The following CDH13 variants were observed in gnomAD, a reference collection of about 807,000 sequenced individuals.
The protein encoded by CDH13 is cadherin-13.
CDH13 carries 24 observed loss-of-function variants against 63.8 expected under a neutral mutation model. The ratio of observed to expected loss-of-function variants is 0.38; its 90% CI spans 0.27 to 0.53. The LOEUF is 0.53. Ranked by LOEUF, CDH13 falls within the 20% of genes least tolerant of loss-of-function variation. The pLI, the probability that CDH13 is intolerant of heterozygous loss-of-function variation, is 0.85. For missense variants in CDH13, 1,049 were observed against 903.1 expected, an observed-to-expected ratio of 1.16 and a Z score of -2.07; for synonymous variants, 503 against 355.3, an observed-to-expected ratio of 1.42 and a Z score of -4.67.
chr16:83,449,905 T>A (rs2072836020), intron 6 of CDH13, among the ~76,000 whole-genome samples: 1 of 152,238 alleles, frequency 6.6e-6, no homozygotes, highest in Non-Finnish European at 1.5e-5. Context: ...AAGTGACGGC[T>A]GCTGTTTCTG....
chr16:83,154,649 T>C (rs1341960327), intron 4 of CDH13, among the ~76,000 whole-genome samples: 1 of 152,102 alleles, frequency 6.6e-6, no homozygotes, highest in Non-Finnish European at 1.5e-5. Context: ...GAATGTAGCC[T>C]AAGCTGACTG....
chr16:83,078,254 C>G (rs1177798736), intron 3 of CDH13, among the ~76,000 whole-genome samples: 2 of 152,130 alleles, frequency 1.3e-5, no homozygotes, highest in Non-Finnish European at 2.9e-5. Flanking sequence ...GTCATGAACT[C>G]TGTTCTCTGT....
Position 82,751,114 on chromosome 16 carries a change from C to T in CDH13, c.46-107248C>T, listed in dbSNP as rs151238206. ...TCCCTATTTAATCATATGTAATCTT[C>T]AGTATGTGCTTTTATGTGGAAAGCC... On this transcript the variant is annotated intron_variant, in intron 1 of 13. Transcript: ENST00000567109. 2.9e-3 allele frequency among the ~76,000 whole-genome samples: 442 copies of T among 152,212 alleles called. 4 individuals carry two copies. The highest frequency in any genetic ancestry group is 0.01 in the African/African-American group (417 of 41,532).
At chr16:83,215,303 T>G (rs1415792544) in intron 4 of CDH13, among the ~76,000 whole-genome samples, 4 of 151,880 alleles carry the variant, frequency 2.6e-5, no homozygotes, top group African/African-American at 9.7e-5. Context: ...GGTCTTGAAT[T>G]CCTGACCTCA....
At chr16:82,663,174 A>G (rs1364767304) in intron 1 of CDH13, among the ~76,000 whole-genome samples, 1 of 151,980 alleles carries the variant, frequency 6.6e-6, no homozygotes, top group African/African-American at 2.4e-5. Context: ...AGCCTCCACT[A>G]GGTTTTTTGT....
chr16:83,119,984 T>C (rs1045996711), intron 3 of CDH13, among the ~76,000 whole-genome samples: 2 of 152,122 alleles, frequency 1.3e-5, no homozygotes, highest in East Asian at 3.9e-4. Context: ...CACTGAAGTT[T>C]CTCCTAATGT....
chr16:83,539,756 C>T (rs1292539130), intron 7 of CDH13, among the ~76,000 whole-genome samples: 1 of 152,190 alleles, frequency 6.6e-6, no homozygotes, highest in Non-Finnish European at 1.5e-5. Flanking sequence ...AGATGAAGTA[C>T]CTTGTCCAAG....
intron 4 of CDH13, among the ~76,000 whole-genome samples, chr16:83,197,074 G>T (rs2038898097): frequency 6.6e-6 from 1 of 151,996 alleles, no homozygotes. Context: ...AACAAACTGT[G>T]GTTTATTCAT....
chr16:82,960,462 C>A (rs996036277), intron 2 of CDH13, among the ~76,000 whole-genome samples: 2 of 152,120 alleles, frequency 1.3e-5, no homozygotes, highest in African/African-American at 4.8e-5. Flanking sequence ...AAATAAGAGT[C>A]TGGAGCCAAG....
At chr16:83,055,760 T>C (rs1000080681) in intron 3 of CDH13, among the ~76,000 whole-genome samples, 4 of 152,084 alleles carry the variant, frequency 2.6e-5, no homozygotes, top group African/African-American at 9.7e-5. Flanking sequence ...AAGGCCAACA[T>C]AATCTTCTTT....
chr16:82,636,202 G>T (rs1908634608), intron 1 of CDH13, among the ~76,000 whole-genome samples: 1 of 152,134 alleles, frequency 6.6e-6, no homozygotes, highest in Middle Eastern at 3.2e-3. Flanking sequence ...GCCTGCTTGA[G>T]TTCTGACTCT....
chr16:82,950,575 T>C (rs554005975), intron 2 of CDH13, among the ~76,000 whole-genome samples: 1 of 152,300 alleles, frequency 6.6e-6, no homozygotes, highest in African/African-American at 2.4e-5. Flanking sequence ...TGATGTAAGA[T>C]GTGCCTTTCG....
intron 4 of CDH13, among the ~76,000 whole-genome samples, chr16:83,205,928 A>G (rs570115904): frequency 1.3e-5 from 2 of 152,254 alleles, no homozygotes; most frequent in South Asian, 2.1e-4. Context: ...ATTCAAAATC[A>G]TGAGAGAGAA....
chr16:83,681,688 T>C (rs1251893933), intron 10 of CDH13, among the ~76,000 whole-genome samples: 2 of 152,146 alleles, frequency 1.3e-5, no homozygotes, highest in Non-Finnish European at 2.9e-5. Flanking sequence ...TGGGAGCTCT[T>C]TGGGAAAAAG....
chr16:83,610,048 T>G (rs1803531411), intron 8 of CDH13, among the ~76,000 whole-genome samples: 1 of 152,240 alleles, frequency 6.6e-6, no homozygotes, highest in South Asian at 2.1e-4. Context: ...TGTGTCTTAG[T>G]ACTTCATTTC....
intron 13 of CDH13, among the ~76,000 whole-genome samples, chr16:83,784,537 C>G (rs1263658974): frequency 1.3e-5 from 2 of 149,956 alleles, no homozygotes; most frequent in Non-Finnish European, 2.9e-5. Flanking sequence ...GAGGCTGAGG[C>G]AGCAGAATCA....
At chr16:83,168,734 C>T (rs1463102336) in intron 4 of CDH13, among the ~76,000 whole-genome samples, 1 of 152,110 alleles carries the variant, frequency 6.6e-6, no homozygotes, top group Non-Finnish European at 1.5e-5. Flanking sequence ...TATATCTATA[C>T]TCATTCATAT....
intron 5 of CDH13, among the ~76,000 whole-genome samples, chr16:83,254,569 C>T (rs1161725327): frequency 2.0e-5 from 3 of 152,170 alleles, no homozygotes; most frequent in African/African-American, 7.2e-5. Flanking sequence ...ACCATCTCCT[C>T]CTCCTTTTCT....
At chr16:83,368,205 G>A (rs1321125156) in intron 6 of CDH13, among the ~76,000 whole-genome samples, 2 of 152,012 alleles carry the variant, frequency 1.3e-5, no homozygotes, top group African/African-American at 4.8e-5. Flanking sequence ...CTCAAATCTC[G>A]TAGTAGAGCT....
Sources: gnomAD v4.1 joint callset for allele counts (sites outside exome capture counted in the v4.1 genomes callset) on GRCh38, gnomAD v4.1.1 for gene constraint, MANE v1.5 for transcripts, NCBI Gene and HGNC (gene_info 2026-07-23, HGNC 2026-07-21) for gene names.